Variants in CDYL observed in about 807,000 individuals in gnomAD.
CDYL encodes the protein chromodomain Y like, also known as chromodomain Y-like protein.
In CDYL, 8 loss-of-function variants were observed where a neutral mutation model predicts 47.3. The observed-to-expected ratio is 0.17, with a 90% CI of 0.10 to 0.31. The LOEUF (loss-of-function observed/expected upper bound fraction) is 0.31, where lower values mean the gene tolerates loss of function less well. Ranked by LOEUF, CDYL falls within the 10% of genes least tolerant of loss-of-function variation. CDYL has a pLI of 1.00. For synonymous variants in CDYL, 266 were observed against 265.0 expected (o/e 1.00, Z -0.04); for missense variants, 471 against 701.4 (o/e 0.67, Z 3.71).
intron 1 of CDYL, among the ~76,000 whole-genome samples, chr6:4,878,154 C>T (rs1315841004): frequency 6.6e-6 from 1 of 151,920 alleles, no homozygotes; most frequent in Non-Finnish European, 1.5e-5. Context: ...ATTGTTAATA[C>T]TTTAATATGG....
chr6:4,914,698 C>G (rs1470315201), intron 2 of CDYL, among the ~76,000 whole-genome samples: 1 of 152,190 alleles, frequency 6.6e-6, no homozygotes, highest in Admixed American at 6.5e-5. Context: ...TTTCATTTGA[C>G]TTTGGTTTGC....
intron 3 of CDYL, among the ~76,000 whole-genome samples, chr6:4,739,413 G>A (rs1173847674): frequency 1.3e-5 from 2 of 150,764 alleles, no homozygotes; most frequent in Non-Finnish European, 1.5e-5. Flanking sequence ...CAGCTACTCA[G>A]GAGGCTGAGG....
At chr6:4,937,797 C>T (rs1758243694) in intron 4 of CDYL, 60 bp downstream of exon 4, 8 of 1,388,142 alleles carry the variant, frequency 5.8e-6, no homozygotes, top group Non-Finnish European at 7.0e-6. Flanking sequence ...GTAAACCAAT[C>T]CTGATAGAAT....
At chr6:4,852,471 TCTTCCTTC>T (rs765080686) in intron 1 of CDYL, among the ~76,000 whole-genome samples, 6 of 108,262 alleles carry the variant, frequency 5.5e-5, no homozygotes, top group East Asian at 2.9e-4. Context: ...TTCCTTCCAA[TCTTCCTTC>T]CTTCCTTCCT....
chr6:4,800,835 G>A (rs534437277), intron 1 of CDYL, among the ~76,000 whole-genome samples: 47 of 152,172 alleles, frequency 3.1e-4, no homozygotes, highest in African/African-American at 1.0e-3. Flanking sequence ...TGTTTATGAC[G>A]TCATTTTCTC....
rs906116875 is a variant in CDYL at position 4,954,281 on chromosome 6, A to C, written c.*225A>C. 1.4e-5 allele frequency: 6 copies of C among 420,726 alleles called. No individual in the cohort carries two copies. Among genetic ancestry groups the C allele is most frequent in the African/African-American group, 1.2e-4 (6 of 50,494 alleles). The allele number at this position is 420,726 out of a possible 1,614,324, so 26.1% of individuals were successfully genotyped here. ...TTCTTTGTCCAAACGTCATTATTTT[A>C]TACTTATATACACGCAGGTGTAAAA... On this transcript the variant is annotated 3_prime_UTR_variant, in exon 7 of 7. Coordinates refer to ENST00000397588, the MANE Select transcript of CDYL (RefSeq NM_004824.4).
intron 5 of CDYL, among the ~76,000 whole-genome samples, chr6:4,944,984 T>TG (rs1271421574): frequency 2.0e-5 from 3 of 152,014 alleles, no homozygotes; most frequent in South Asian, 2.1e-4. Flanking sequence ...AGGCCCAGAC[T>TG]GGGGGGCAGT....
chr6:4,896,988 G>T (rs1419462349), intron 2 of CDYL, among the ~76,000 whole-genome samples: 1 of 152,122 alleles, frequency 6.6e-6, no homozygotes, highest in Non-Finnish European at 1.5e-5. Context: ...TGACGCAAAG[G>T]CTTAAATGAA....
At chr6:4,724,187 T>G (rs748988151) in intron 2 of CDYL, among the ~76,000 whole-genome samples, 1 of 152,032 alleles carries the variant, frequency 6.6e-6, no homozygotes, top group Non-Finnish European at 1.5e-5. Flanking sequence ...ACCACAGGCA[T>G]GTGCCATCAC....
chr6:4,805,903 C>T (rs1759354459), intron 1 of CDYL, among the ~76,000 whole-genome samples: 1 of 152,216 alleles, frequency 6.6e-6, no homozygotes, highest in African/African-American at 2.4e-5. Context: ...TTACTAGCTA[C>T]CCATCTGGGC....
intron 2 of CDYL, among the ~76,000 whole-genome samples, chr6:4,926,304 A>G (rs1757871964): frequency 6.6e-6 from 1 of 152,122 alleles, no homozygotes; most frequent in South Asian, 2.1e-4. Context: ...GAATAGGATT[A>G]CGTTCAATAT....
intron 3 of CDYL, among the ~76,000 whole-genome samples, chr6:4,747,447 G>A (rs964965244): frequency 6.6e-6 from 1 of 152,114 alleles, no homozygotes; most frequent in African/African-American, 2.4e-5. Context: ...ATGTATTTGT[G>A]ATAGGTGGTT....
intron 6 of CDYL, 150 bp from the exon 7 acceptor site, chr6:4,953,748 T>C: frequency 1.5e-6 from 1 of 689,364 alleles, no homozygotes; most frequent in Non-Finnish European, 2.4e-6. Context: ...ATACATATGT[T>C]AGGCCCGACA....
At chr6:4,724,866 A>G (rs575821967) in intron 2 of CDYL, 3 of 152,338 alleles carry the variant, frequency 2.0e-5, no homozygotes, top group African/African-American at 7.2e-5. Context: ...AACCGTGGAA[A>G]AAGACCACAG....
chr6:4,943,431 A>G (rs1046832304), intron 4 of CDYL, 115 bp from the exon 5 acceptor site: 1 of 741,432 alleles, frequency 1.3e-6, no homozygotes. Context: ...ACAAATCTCA[A>G]GTCTTCAGGA....
Position 4,776,704 on chromosome 6 carries a change from A to G in CDYL, c.-80A>G. On this transcript the variant is annotated 5_prime_UTR_variant, in exon 1 of 7. Transcript: ENST00000397588. Reference sequence around the variant, plus strand: ...AGGAAGCGCAGGCCACGCAGGACCCAACTGAAACAAAGTGTCGGCCGCCCG... The same window carrying G: ...AGGAAGCGCAGGCCACGCAGGACCCGACTGAAACAAAGTGTCGGCCGCCCG... 1 of 1,241,810 alleles carries G rather than the reference A, an allele frequency of 8.1e-7. No homozygotes were observed. The highest frequency in any genetic ancestry group is 1.0e-6 in the Non-Finnish European group (1 of 962,226). The allele number at this position is 1,241,810 out of a possible 1,614,324, so 76.9% of individuals were successfully genotyped here.
intron 1 of CDYL, among the ~76,000 whole-genome samples, chr6:4,831,116 C>T (rs1760130156): frequency 6.6e-6 from 1 of 152,054 alleles, no homozygotes; most frequent in South Asian, 2.1e-4. Flanking sequence ...TGGGTATATC[C>T]CCAGTAATGG....
chr6:4,832,940 T>C (rs919526012), intron 1 of CDYL, among the ~76,000 whole-genome samples: 4 of 152,020 alleles, frequency 2.6e-5, no homozygotes, highest in African/African-American at 9.7e-5. Context: ...TATCATTTTT[T>C]ATTGCGTCTA....
chr6:4,774,881 T>A (rs1203412475), upstream of CDYL: 1 of 152,256 alleles, frequency 6.6e-6, no homozygotes, highest in Non-Finnish European at 1.5e-5. Context: ...ATCCCTGAGC[T>A]GGGAGTTTGT....
Sources: allele counts gnomAD v4.1 joint callset (sites outside exome capture counted in the v4.1 genomes callset), GRCh38; gene constraint gnomAD v4.1.1; transcripts MANE v1.5; gene names NCBI Gene and HGNC (gene_info 2026-07-23, HGNC 2026-07-21).